Variants in COL6A1 observed in about 807,000 individuals in gnomAD.
COL6A1 encodes collagen type VI alpha 1 chain.
In COL6A1, 80 loss-of-function variants were observed where a neutral mutation model predicts 145.6. The observed-to-expected ratio is 0.55, with a 90% CI of 0.46 to 0.66. The LOEUF (loss-of-function observed/expected upper bound fraction) is 0.66, where lower values mean the gene tolerates loss of function less well. COL6A1 is among the 30% of genes least tolerant of loss of function. The probability of loss-of-function intolerance (pLI) is 0.00; values close to 1 mark genes in which losing one functional copy is unlikely to be tolerated. For missense variants in COL6A1, 1,364 were observed against 1,473.8 expected (o/e 0.93, Z 1.22); for synonymous variants, 638 against 622.8 (o/e 1.02, Z -0.36).
At chr21:46,003,271 T>C in intron 34 of COL6A1, 120 bp from the exon 35 acceptor site, 1 of 1,600,196 alleles carries the variant, frequency 6.2e-7, no homozygotes. Flanking sequence ...CATGGCTCAC[T>C]CCGGTGGCTG....
In COL6A1 at chr21:46,004,336, T is replaced by C; in HGVS notation, c.*323T>C. On this transcript the variant is annotated 3_prime_UTR_variant, in exon 35 of 35. Coordinates refer to ENST00000361866, the MANE Select transcript of COL6A1 (RefSeq NM_001848.3). ...TCTGGGGCTCAGCCCTGAGCTGGCC[T>C]CACCTGGGTTCCCCACCCCGGGCTC... 1 of 443,710 alleles carries C rather than the reference T, an allele frequency of 2.3e-6. No individual in the cohort carries two copies. Among genetic ancestry groups the C allele is most frequent in the Non-Finnish European group, 4.1e-6 (1 of 242,674 alleles). The allele number at this position is 443,710 out of a possible 1,614,324, so 27.5% of individuals were successfully genotyped here.
chr21:45,983,351 C>CA (rs1569517647), intron 2 of COL6A1, among the ~76,000 whole-genome samples: 1 of 145,528 alleles, frequency 6.9e-6, no homozygotes, highest in Non-Finnish European at 1.5e-5. Flanking sequence ...GAGGACAGAC[C>CA]GGGGGGAGAG....
chr21:45,984,727 G>GAGACAA (rs931014672), intron 3 of COL6A1, among the ~76,000 whole-genome samples: 2 of 151,910 alleles, frequency 1.3e-5, no homozygotes, highest in African/African-American at 4.8e-5. Flanking sequence ...GAGAGAGACA[G>GAGACAA]AGACAAAGAG....
chr21:45,991,164 G>A, intron 15 of COL6A1, 123 bp downstream of exon 15: 2 of 1,087,382 alleles, frequency 1.8e-6, no homozygotes, highest in South Asian at 2.6e-5. Context: ...GCCTCAGAGG[G>A]GAGGAGCTGG....
rs1209256271 is a variant in COL6A1 at position 46,001,578 on chromosome 21, T to C, written c.1956+192T>C. On this transcript the variant is annotated intron_variant, in intron 30 of 34. Coordinates refer to ENST00000361866, the MANE Select transcript of COL6A1 (RefSeq NM_001848.3). ...GCTCCACCTGGCGAGGCTGGCCCAT[T>C]GTACACAGGCGCCCCAGATGAGGGA... 3.9e-5 allele frequency among the ~76,000 whole-genome samples: 6 copies of C among 152,182 alleles called. No homozygotes were observed. In the South Asian group the frequency reaches 1.2e-3, roughly 32 times the overall value.
At chr21:45,987,475 C>T (rs765677187) in intron 6 of COL6A1, 24 bp from the exon 7 acceptor site, 56 of 1,612,860 alleles carry the variant, frequency 3.5e-5, no homozygotes, top group South Asian at 3.3e-4. Flanking sequence ...CCCACTGACT[C>T]GTCTCCATGC....
chr21:45,997,309 C>T (rs1455595999), intron 20 of COL6A1, 112 bp from the exon 21 acceptor site: 2 of 999,350 alleles, frequency 2.0e-6, no homozygotes, highest in East Asian at 2.4e-5. Flanking sequence ...GGACTGGGGC[C>T]AGAGCCTGGG....
chr21:45,988,864 C>T (rs1458149616), intron 8 of COL6A1, among the ~76,000 whole-genome samples: 1 of 152,078 alleles, frequency 6.6e-6, no homozygotes, highest in African/African-American at 2.4e-5. Context: ...GCCTGGGGGT[C>T]AGCAAAGCCG....
rs373070436 is a variant in COL6A1, at chr21:46,003,789, A to G, written c.2863A>G (p.Ile955Val). ...GNSQGATPAA[I>V]EKAVQEAQRA... ...CTCGCAGGGCGCCACGCCCGCTGCC[A>G]TCGAGAAGGCCGTGCAGGAAGCCCA... The change falls in exon 35 of 35, where the codon ATC (isoleucine) becomes GTC (valine). Residue 955 changes from isoleucine (I) to valine (V), a missense_variant. Ile to Val is a conservative substitution (Grantham distance 29, BLOSUM62 3). Transcript: ENST00000361866. 36 of 1,611,274 alleles carry G rather than the reference A, an allele frequency of 2.2e-5. No homozygotes were observed. Among genetic ancestry groups the G allele is most frequent in the Middle Eastern group, 3.3e-4 (2 of 6,080 alleles).
chr21:46,003,369 G>A (rs1280948304), intron 34 of COL6A1, 22 bp from the exon 35 acceptor site: 15 of 1,599,834 alleles, frequency 9.4e-6, no homozygotes, highest in South Asian at 4.4e-5. Context: ...TCATGCTAAC[G>A]GCTGCCCACC....
rs1165566832 is a variant in COL6A1, at chr21:45,994,742, G to A, written c.1398+513G>A. On this transcript the variant is annotated intron_variant, in intron 20 of 34. Transcript: ENST00000361866. The surrounding 1 kb of genome is among the most constrained non-coding windows in gnomAD (Gnocchi z 6.8). ...TCTGGAATCGCTGTGCACGCCGCAC[G>A]GCTTTCTGTCTCTTCCCCCATTCTG... is the stretch of plus-strand genomic sequence containing the variant. Among the ~76,000 whole-genome samples the A allele has an allele frequency of 1.3e-5, 2 of 152,172 alleles. No homozygotes were observed. Among genetic ancestry groups the A allele is most frequent in the South Asian group, 2.1e-4 (1 of 4,830 alleles).
In COL6A1 at chr21:45,981,962, G is replaced by A; in HGVS notation, c.97+15G>A. 1 of 1,589,844 alleles carries A rather than the reference G, an allele frequency of 6.3e-7. No homozygotes were observed. On this transcript the variant is annotated intron_variant, in intron 1 of 34. Transcript: ENST00000361866. ...GGCCTTCCAGGGTGAGTGGTGGCTTGGGGTGCAGGCTCCAGACCCCCCGCT... is the reference window on the plus strand; with the variant it reads ...GGCCTTCCAGGGTGAGTGGTGGCTTAGGGTGCAGGCTCCAGACCCCCCGCT...
At chr21:45,984,048 C>G (rs761272519) in intron 2 of COL6A1, among the ~76,000 whole-genome samples, 32 of 152,330 alleles carry the variant, frequency 2.1e-4, no homozygotes, top group Non-Finnish European at 4.0e-4. Context: ...GGCTCCTGGT[C>G]TGAGGGCCTG....
chr21:45,990,287 G>A lies in COL6A1; in HGVS notation c.957+3G>A. On this transcript the variant is annotated splice_donor_region_variant and intron_variant, in intron 12 of 34. Transcript: ENST00000361866. Reference sequence around the variant, plus strand: ...CCAGGGGACCCAAGGGCTACAAGGTGAGCGTGGGCTGCTGGGAGGGGGGAG... The same window carrying A: ...CCAGGGGACCCAAGGGCTACAAGGTAAGCGTGGGCTGCTGGGAGGGGGGAG... 1 of 1,612,880 alleles carries A rather than the reference G, an allele frequency of 6.2e-7. No homozygotes were observed. Among genetic ancestry groups the A allele is most frequent in the African/African-American group, 1.3e-5 (1 of 75,026 alleles).
rs887937596 is a variant in COL6A1, at chr21:45,994,287, T to C, written c.1398+58T>C. 6.7e-7 allele frequency: 1 copy of C among 1,502,138 alleles called. No individual in the cohort carries two copies. Among genetic ancestry groups the C allele is most frequent in the African/African-American group, 1.4e-5 (1 of 72,400 alleles). The allele number at this position is 1,502,138 out of a possible 1,614,324, so 93.1% of individuals were successfully genotyped here. On this transcript the variant is annotated intron_variant, in intron 20 of 34. Coordinates refer to ENST00000361866, the MANE Select transcript of COL6A1 (RefSeq NM_001848.3). The surrounding 1 kb of genome is among the most constrained non-coding windows in gnomAD (Gnocchi z 6.8). ...CCAATTTGGGTTTTGGGGGTAGAAG[T>C]GCTCCAGCAGCTCACGCACTGGGGG...
In COL6A1 at chr21:45,994,006, C is replaced by T. The variant is rs923933024; in HGVS notation, c.1336-161C>T. ...CACGCCGATGGCCACGCACGTGGGCCGAGGAAACGCTTGGCGAGGCCAGGA... is the reference window on the plus strand; with the variant it reads ...CACGCCGATGGCCACGCACGTGGGCTGAGGAAACGCTTGGCGAGGCCAGGA... On this transcript the variant is annotated intron_variant, in intron 19 of 34. Coordinates refer to ENST00000361866, the MANE Select transcript of COL6A1 (RefSeq NM_001848.3). The surrounding 1 kb of genome is among the most constrained non-coding windows in gnomAD (Gnocchi z 6.8). Among the ~76,000 whole-genome samples the T allele has an allele frequency of 2.0e-5, 3 of 152,170 alleles. No homozygotes were observed. The highest frequency in any genetic ancestry group is 4.4e-5 in the Non-Finnish European group (3 of 68,022).
At chr21:46,003,271 T>G in intron 34 of COL6A1, 120 bp from the exon 35 acceptor site, 1 of 1,600,196 alleles carries the variant, frequency 6.2e-7, no homozygotes, top group Non-Finnish European at 8.5e-7. Context: ...CATGGCTCAC[T>G]CCGGTGGCTG....
Position 45,990,817 on chromosome 21 carries a change from C to A in COL6A1, c.1047C>A (p.Pro349=), listed in dbSNP as rs202227298. The change falls in exon 14 of 35, where the codon CCC becomes CCA. Residue 349 remains proline (P), a synonymous_variant. Coordinates refer to ENST00000361866, the MANE Select transcript of COL6A1 (RefSeq NM_001848.3). ...YPGLPGCKGS[P]GFDGIQGPPG... The stretch of plus-strand genomic sequence containing the variant: ...GCCTGCCAGGCTGCAAGGGCTCGCC[C>A]GGGTTTGACGTAAGTCACTTCCTCT... 1.5e-5 allele frequency: 24 copies of A among 1,613,290 alleles called. No homozygotes were observed. The East Asian group carries it at 5.1e-4, about 34-fold the overall frequency.
intron 27 of COL6A1, 107 bp downstream of exon 27, chr21:45,999,799 G>GA: frequency 4.3e-6 from 4 of 928,822 alleles, no homozygotes; most frequent in East Asian, 3.3e-5. Context: ...TCACGGGGGG[G>GA]TGGGTTGTGG....
Sources: gnomAD v4.1 joint callset for allele counts (sites outside exome capture counted in the v4.1 genomes callset) on GRCh38, gnomAD v4.1.1 for gene constraint, Gnocchi (gnomAD v3.1) non-coding constraint, MANE v1.5 for transcripts, NCBI Gene and HGNC (gene_info 2026-07-23, HGNC 2026-07-21) for gene names.